Variants in C4orf17 observed in about 807,000 individuals in gnomAD.
The protein encoded by C4orf17 is uncharacterized protein C4orf17.
C4orf17 carries 25 observed loss-of-function variants against 32.0 expected under a neutral mutation model. The observed-to-expected ratio is 0.78, with a 90% CI of 0.57 to 1.09. The LOEUF (loss-of-function observed/expected upper bound fraction) is 1.09, where lower values mean the gene tolerates loss of function less well. Ranked by LOEUF, C4orf17 falls within the 50% of genes least tolerant of loss-of-function variation. The pLI is 0.00. For synonymous variants in C4orf17, 149 were observed against 145.8 expected (o/e 1.02, Z -0.16); for missense variants, 420 against 420.0 (o/e 1.00, Z 0.00).
intron 3 of C4orf17, 128 bp from the exon 4 acceptor site, chr4:99,524,393 A>T (rs1054073300): frequency 3.5e-6 from 2 of 575,474 alleles, no homozygotes; most frequent in East Asian, 3.0e-5. Flanking sequence ...TAATATTTAT[A>T]AACAGATTCC....
intron 8 of C4orf17, 79 bp from the exon 9 acceptor site, chr4:99,541,831 T>C (rs1723653961): frequency 9.9e-7 from 1 of 1,008,182 alleles, no homozygotes; most frequent in East Asian, 2.6e-5. Context: ...TTTTTATAGA[T>C]AATTTACTAC....
At chr4:99,532,570 C>T (rs887869548) in intron 5 of C4orf17, among the ~76,000 whole-genome samples, 1 of 152,008 alleles carries the variant, frequency 6.6e-6, no homozygotes, top group Non-Finnish European at 1.5e-5. Context: ...GGAAGGAAAG[C>T]AAAGAATGAG....
chr4:99,539,854 C>T (rs184143173), intron 7 of C4orf17, among the ~76,000 whole-genome samples: 1 of 151,828 alleles, frequency 6.6e-6, no homozygotes, highest in East Asian at 1.9e-4. Flanking sequence ...CCTGGGGCCC[C>T]CTAGAGAGAA....
intron 2 of C4orf17, among the ~76,000 whole-genome samples, chr4:99,515,422 A>T (rs1483892122): frequency 6.6e-6 from 1 of 152,208 alleles, no homozygotes; most frequent in Non-Finnish European, 1.5e-5. Flanking sequence ...GGAAGCCATT[A>T]TCCTCAGCAA....
intron 5 of C4orf17, among the ~76,000 whole-genome samples, chr4:99,537,099 T>C (rs529194981): frequency 3.3e-4 from 50 of 152,228 alleles, no homozygotes; most frequent in Non-Finnish European, 4.3e-4. Context: ...CGACTAGGGA[T>C]ATTGCCCCCT....
At chr4:99,513,271 C>A (rs1169759054) in intron 2 of C4orf17, 63 bp downstream of exon 2, 11 of 1,591,242 alleles carry the variant, frequency 6.9e-6, no homozygotes, top group African/African-American at 1.3e-5. Context: ...TTTGATAATT[C>A]TGGCAGGTAA....
intron 4 of C4orf17, among the ~76,000 whole-genome samples, chr4:99,529,122 T>G (rs1476441530): frequency 1.3e-5 from 2 of 152,198 alleles, no homozygotes; most frequent in African/African-American, 4.8e-5. Context: ...AAATCCCAGG[T>G]TGTTGGCTCA....
At position 99,513,198 on chromosome 4, in the gene C4orf17, C is replaced by T; in HGVS notation, c.117C>T (p.Cys39=). ...VRHTPHPRRV[C]HIKGLNNIPI... ...ACACCCCTCATCCCAGAAGAGTCTG[C>T]CACATCAAAGGTAAGGTGACTTAAG... The change falls in exon 2 of 9, where the codon TGC becomes TGT. Residue 39 remains cysteine, a synonymous_variant. Transcript: ENST00000326581. The T allele has an allele frequency of 1.2e-6, 2 of 1,613,816 alleles. No individual in the cohort carries two copies. Among genetic ancestry groups the T allele is most frequent in the Non-Finnish European group, 1.7e-6 (2 of 1,179,784 alleles).
intron 8 of C4orf17, 84 bp downstream of exon 8, chr4:99,540,539 C>T (rs1196539812): frequency 1.1e-6 from 1 of 875,800 alleles, no homozygotes; most frequent in Non-Finnish European, 1.8e-6. Context: ...TTTTAAGGAT[C>T]AGTGCTTTTA....
At chr4:99,539,798 T>C (rs1446214949) in intron 7 of C4orf17, among the ~76,000 whole-genome samples, 1 of 152,046 alleles carries the variant, frequency 6.6e-6, no homozygotes, top group East Asian at 1.9e-4. Context: ...TGTAGAACAA[T>C]GCAAGATTAA....
At chr4:99,539,132 T>A (rs1723610751) in intron 6 of C4orf17, 31 bp from the exon 7 acceptor site, 9 of 1,596,188 alleles carry the variant, frequency 5.6e-6, no homozygotes, top group Non-Finnish European at 7.7e-6. Flanking sequence ...CAACCTTCAC[T>A]CCTCCCACCC....
chr4:99,531,035 A>T (rs1482625434), intron 5 of C4orf17, among the ~76,000 whole-genome samples: 1 of 152,018 alleles, frequency 6.6e-6, no homozygotes, highest in Non-Finnish European at 1.5e-5. Context: ...TTAAGGTCTC[A>T]GTTTCAGTAT....
intron 2 of C4orf17, among the ~76,000 whole-genome samples, chr4:99,520,026 C>T (rs1723256983): frequency 6.6e-6 from 1 of 151,758 alleles, no homozygotes. Context: ...TTGTCTTGGC[C>T]AAACCTGAGG....
At chr4:99,512,039 T>C (rs1308639187) in intron 1 of C4orf17, among the ~76,000 whole-genome samples, 3 of 152,132 alleles carry the variant, frequency 2.0e-5, no homozygotes, top group East Asian at 1.9e-4. Context: ...GATTGCTTTG[T>C]TCTAAAAAGG....
intron 6 of C4orf17, among the ~76,000 whole-genome samples, 184 bp from the exon 7 acceptor site, chr4:99,538,979 G>A (rs1300473245): frequency 6.6e-6 from 1 of 152,124 alleles, no homozygotes; most frequent in Non-Finnish European, 1.5e-5. Context: ...CAGTATCACA[G>A]GTCAACAGAA....
Position 99,542,063 on chromosome 4 carries a change from AC to A in C4orf17, c.1036del (p.Leu346SerfsTer39), listed in dbSNP as rs1723657688. 4 of 1,614,096 alleles carry A rather than the reference AC, an allele frequency of 2.5e-6. No individual in the cohort carries two copies. Among genetic ancestry groups the A allele is most frequent in the Middle Eastern group, 1.7e-4 (1 of 6,058 alleles). The part of the protein sequence containing the change: ...PVSARSIQEY[N>X]LCPQRACYPS... ...TCAGCAAGGAGTATACAAGAATACA[AC>A]CTCTGTCCCCAAAGAGCATGTTATC... On this transcript the variant is annotated frameshift_variant, in exon 9 of 9. Coordinates refer to ENST00000326581, the MANE Select transcript of C4orf17 (RefSeq NM_032149.3). LOFTEE classifies it low-confidence loss of function (END_TRUNC).
In C4orf17 at chr4:99,522,598, A is replaced by T. The variant is rs377171211; in HGVS notation, c.226A>T (p.Ile76Leu). 9 of 1,613,878 alleles carry T rather than the reference A, an allele frequency of 5.6e-6. No individual in the cohort carries two copies. The African/African-American group carries it at 1.1e-4, about 19-fold the overall frequency. The change falls in exon 3 of 9, where the codon ATA becomes TTA. Residue 76 changes from isoleucine to leucine, a missense_variant. Transcript: ENST00000326581. ...GQSNYLEKNRIPFANCSYPSS... is the reference protein window; with the variant it reads ...GQSNYLEKNRLPFANCSYPSS... ...GTCTAACTACTTAGAGAAGAACAGG[A>T]TACCATTTGCCAATTGCAGTTACCC...
Position 99,511,207 on chromosome 4 carries a change from C to T in C4orf17, c.-159C>T, listed in dbSNP as rs1045160308. ...AACTCAGTCTAGACATATTATGAGG[C>T]TGGGAGGGTATCAACAGACTTGAGT... On this transcript the variant is annotated 5_prime_UTR_variant, in exon 1 of 9. Coordinates refer to ENST00000326581, the MANE Select transcript of C4orf17 (RefSeq NM_032149.3). 14 of 152,126 alleles carry T rather than the reference C, an allele frequency of 9.2e-5. No individual in the cohort carries two copies. The South Asian group carries it at 1.0e-3, about 11-fold the overall frequency. 9.4% of individuals were successfully genotyped at this position (152,126 alleles called of 1,614,324 possible). A position where few individuals can be genotyped will look rare whatever the true frequency, so the allele number is the denominator to read the frequency against.
intron 2 of C4orf17, among the ~76,000 whole-genome samples, chr4:99,520,282 A>G (rs1723264336): frequency 6.6e-6 from 1 of 151,746 alleles, no homozygotes; most frequent in South Asian, 2.1e-4. Flanking sequence ...TTTTTAGTAG[A>G]GATGGTGTTT....
Sources: allele counts gnomAD v4.1 joint callset (sites outside exome capture counted in the v4.1 genomes callset), GRCh38; gene constraint gnomAD v4.1.1; transcripts MANE v1.5; gene names NCBI Gene and HGNC (gene_info 2026-07-23, HGNC 2026-07-21).